The following GPR25 variants were observed in gnomAD, a reference collection of about 807,000 sequenced individuals.
GPR25 encodes the protein C-X-C chemokine receptor GPR25.
For synonymous variants in GPR25, 280 were observed against 264.9 expected, an observed-to-expected ratio of 1.06 and a Z score of -0.55; for missense variants, 501 against 503.0, an observed-to-expected ratio of 1.00 and a Z score of 0.04.
At position 200,873,715 on chromosome 1, in the gene GPR25, G is replaced by T. The variant is rs1668003755; in HGVS notation, c.678G>T (p.Ser226=). The T allele has an allele frequency of 6.3e-7, 1 of 1,597,746 alleles. No homozygotes were observed. Among genetic ancestry groups the T allele is most frequent in the Non-Finnish European group, 8.5e-7 (1 of 1,178,798 alleles). ...CCCTCTTCTGCTACTGCCGCATCTC[G>T]CGCCGCCTGCGACGGCCGCCGCACG... ...VVTLFCYCRI[S]RRLRRPPHVG... is the part of the protein sequence containing the mutation. Residue 226 remains serine, a synonymous_variant, in exon 1 of 1, where the codon TCG becomes TCT. Transcript: ENST00000304244.
In GPR25 at chr1:200,873,629, G is replaced by A; in HGVS notation, c.592G>A (p.Ala198Thr). ...DSQCGEEPSHAFQGLSLLLLL... is the reference protein window; with the variant it reads ...DSQCGEEPSHTFQGLSLLLLL... ...CCAGTGCGGCGAGGAGCCCTCCCAC[G>A]CCTTCCAGGGCCTCAGCTTGCTGCT... is the stretch of plus-strand genomic sequence containing the variant. The change falls in exon 1 of 1, where the codon GCC (alanine) becomes ACC (threonine). Residue 198 changes from alanine (A) to threonine (T), a missense_variant. Coordinates refer to ENST00000304244, the MANE Select transcript of GPR25 (RefSeq NM_005298.4). 1 of 1,596,956 alleles carries A rather than the reference G, an allele frequency of 6.3e-7. No individual in the cohort carries two copies. Among genetic ancestry groups the A allele is most frequent in the Non-Finnish European group, 8.5e-7 (1 of 1,179,216 alleles).
In GPR25 at chr1:200,873,777, T is replaced by C. The variant is rs753717394; in HGVS notation, c.740T>C (p.Phe247Ser). The C allele has an allele frequency of 3.8e-6, 6 of 1,599,210 alleles. No individual in the cohort carries two copies. The highest frequency in any genetic ancestry group is 5.1e-6 in the Non-Finnish European group (6 of 1,179,294). ...RARRNSLRII[F>S]AIESTFVGSW... is the part of the protein sequence containing the mutation. ...CGGAGGAACTCGCTGCGCATCATCT[T>C]CGCCATCGAGAGCACGTTTGTGGGC... The change falls in exon 1 of 1, where the codon TTC becomes TCC. Residue 247 changes from phenylalanine to serine, a missense_variant. By Grantham distance (155) the Phe-to-Ser change is radical. Coordinates refer to ENST00000304244, the MANE Select transcript of GPR25 (RefSeq NM_005298.4).
chr1:200,873,864 C>A lies in GPR25; in HGVS notation c.827C>A (p.Pro276Gln). The A allele has an allele frequency of 6.2e-7, 1 of 1,605,286 alleles. No individual in the cohort carries two copies. Among genetic ancestry groups the A allele is most frequent in the South Asian group, 1.1e-5 (1 of 90,968 alleles). Residue 276 changes from proline to glutamine, a missense_variant, in exon 1 of 1, where the codon CCG becomes CAG. Transcript: ENST00000304244. ...CACCTGGCGCGTCTGGGGGCGCTGC[C>A]GCTGCCGTGCCCCCTGCTGCTGGCG... ...VFHLARLGALPLPCPLLLALR... is the reference protein window; with the variant it reads ...VFHLARLGALQLPCPLLLALR...
At position 200,873,335 on chromosome 1, in the gene GPR25, G is replaced by T; in HGVS notation, c.298G>T (p.Ala100Ser). 1 of 1,479,300 alleles carries T rather than the reference G, an allele frequency of 6.8e-7. No homozygotes were observed. The highest frequency in any genetic ancestry group is 8.9e-7 in the Non-Finnish European group (1 of 1,125,722). 91.6% of individuals were successfully genotyped at this position (1,479,300 alleles called of 1,614,324 possible). A position where few individuals can be genotyped will look rare whatever the true frequency, so the allele number is the denominator to read the frequency against. Reference protein sequence around the residue: ...LTLPLWAAAAALGGRWPFGDG... With the variant: ...LTLPLWAAAASLGGRWPFGDG... ...GCTGCCGCTGTGGGCCGCGGCGGCG[G>T]CGCTAGGCGGCCGCTGGCCGTTCGG... Residue 100 changes from alanine (A) to serine (S), a missense_variant, in exon 1 of 1, where the codon GCG (alanine) becomes TCG (serine). Transcript: ENST00000304244.
chr1:200,873,093 C>A lies in GPR25; in HGVS notation c.56C>A (p.Ser19Ter). The A allele has an allele frequency of 6.3e-7, 1 of 1,587,430 alleles. No individual in the cohort carries two copies. The highest frequency in any genetic ancestry group is 8.5e-7 in the Non-Finnish European group (1 of 1,170,976). The change falls in exon 1 of 1, where the codon TCG becomes TAG. Residue 19 changes from serine to a stop codon, truncating the protein, a stop_gained. Transcript: ENST00000304244. LOFTEE classifies it low-confidence loss of function (END_TRUNC). ...CCGGGGTCAGCGCCCTGGGACTACT[C>A]GGGGTTGGACGGCCTGGAGGAGCTG... Reference protein sequence around the residue: ...PSPGSAPWDYSGLDGLEELEL... With the variant: ...PSPGSAPWDY
At position 200,873,627 on chromosome 1, in the gene GPR25, A is replaced by G. The variant is rs1472846463; in HGVS notation, c.590A>G (p.His197Arg). 1.9e-6 allele frequency: 3 copies of G among 1,596,112 alleles called. No homozygotes were observed. Among genetic ancestry groups the G allele is most frequent in the Non-Finnish European group, 2.5e-6 (3 of 1,179,086 alleles). The change falls in exon 1 of 1, where the codon CAC (histidine) becomes CGC (arginine). Residue 197 changes from histidine to arginine, a missense_variant. Coordinates refer to ENST00000304244, the MANE Select transcript of GPR25 (RefSeq NM_005298.4). ...QDSQCGEEPSHAFQGLSLLLL... is the reference protein window; with the variant it reads ...QDSQCGEEPSRAFQGLSLLLL... ...AGCCAGTGCGGCGAGGAGCCCTCCC[A>G]CGCCTTCCAGGGCCTCAGCTTGCTG... is the stretch of plus-strand genomic sequence containing the variant.
In GPR25 at chr1:200,873,714, C is replaced by G; in HGVS notation, c.677C>G (p.Ser226Trp). ...VVTLFCYCRI[S>W]RRLRRPPHVG... ...ACCCTCTTCTGCTACTGCCGCATCT[C>G]GCGCCGCCTGCGACGGCCGCCGCAC... Residue 226 changes from serine to tryptophan, a missense_variant, in exon 1 of 1, where the codon TCG (serine) becomes TGG (tryptophan). Coordinates refer to ENST00000304244, the MANE Select transcript of GPR25 (RefSeq NM_005298.4). 2 of 1,597,828 alleles carry G rather than the reference C, an allele frequency of 1.3e-6. No homozygotes were observed. Among genetic ancestry groups the G allele is most frequent in the Non-Finnish European group, 1.7e-6 (2 of 1,178,818 alleles).
Position 200,873,656 on chromosome 1 carries a change from C to T in GPR25, c.619C>T (p.Leu207=). ...CTTCCAGGGCCTCAGCTTGCTGCTG[C>T]TGCTGCTGACCTTCGTGCTGCCCCT... ...HAFQGLSLLL[L]LLTFVLPLVV... is the part of the protein sequence containing the mutation. Residue 207 remains leucine, a synonymous_variant, in exon 1 of 1, where the codon CTG becomes TTG. Coordinates refer to ENST00000304244, the MANE Select transcript of GPR25 (RefSeq NM_005298.4). The T allele has an allele frequency of 6.3e-7, 1 of 1,598,128 alleles. No homozygotes were observed. Among genetic ancestry groups the T allele is most frequent in the South Asian group, 1.1e-5 (1 of 91,054 alleles).
At position 200,873,430 on chromosome 1, in the gene GPR25, G is replaced by C; in HGVS notation, c.393G>C (p.Ala131=). 2 of 1,522,286 alleles carry C rather than the reference G, an allele frequency of 1.3e-6. No homozygotes were observed. Among genetic ancestry groups the C allele is most frequent in the Non-Finnish European group, 1.7e-6 (2 of 1,144,448 alleles). The allele number at this position is 1,522,286 out of a possible 1,614,324, so 94.3% of individuals were successfully genotyped here. A position where few individuals can be genotyped will look rare whatever the true frequency, so the allele number is the denominator to read the frequency against. Residue 131 remains alanine, a synonymous_variant, in exon 1 of 1, where the codon GCG becomes GCC. Transcript: ENST00000304244. The part of the protein sequence containing the change: ...GTRCAGALLL[A]GMSVDRYLAV... ...GCTGCGCGGGCGCGCTGCTGCTGGC[G>C]GGCATGAGCGTGGACCGCTACCTGG...
In GPR25 at chr1:200,873,842, C is replaced by T; in HGVS notation, c.805C>T (p.Leu269=). Residue 269 remains leucine, a synonymous_variant, in exon 1 of 1, where the codon CTG becomes TTG. Coordinates refer to ENST00000304244, the MANE Select transcript of GPR25 (RefSeq NM_005298.4). ...CAGCGCCCTGCGGGCCGTCTTCCAC[C>T]TGGCGCGTCTGGGGGCGCTGCCGCT... ...PFSALRAVFH[L]ARLGALPLPC... The T allele has an allele frequency of 1.9e-6, 3 of 1,602,630 alleles. No individual in the cohort carries two copies. The highest frequency in any genetic ancestry group is 2.5e-6 in the Non-Finnish European group (3 of 1,179,090).
Position 200,873,130 on chromosome 1 carries a change from G to T in GPR25, c.93G>T (p.Pro31=). The part of the protein sequence containing the change: ...LDGLEELELC[P]AGDLPYGYVY... Reference sequence around the variant, plus strand: ...GCCTGGAGGAGCTGGAGCTGTGTCCGGCCGGGGACCTGCCCTACGGCTACG... The same window carrying T: ...GCCTGGAGGAGCTGGAGCTGTGTCCTGCCGGGGACCTGCCCTACGGCTACG... The change falls in exon 1 of 1, where the codon CCG becomes CCT. Residue 31 remains proline, a synonymous_variant. Transcript: ENST00000304244. 6.2e-7 allele frequency: 1 copy of T among 1,602,692 alleles called. No individual in the cohort carries two copies. The highest frequency in any genetic ancestry group is 8.5e-7 in the Non-Finnish European group (1 of 1,178,004).
chr1:200,873,594 G>T lies in GPR25; in HGVS notation c.557G>T (p.Gly186Val). 5 of 1,590,778 alleles carry T rather than the reference G, an allele frequency of 3.1e-6. No homozygotes were observed. Among genetic ancestry groups the T allele is most frequent in the East Asian group, 2.2e-5 (1 of 44,468 alleles). ...VYRGLQPLPG[G>V]QDSQCGEEPS... is the part of the protein sequence containing the mutation. ...CGGGGGTTGCAGCCCCTGCCTGGGGGCCAGGACAGCCAGTGCGGCGAGGAG... is the reference window on the plus strand; with the variant it reads ...CGGGGGTTGCAGCCCCTGCCTGGGGTCCAGGACAGCCAGTGCGGCGAGGAG... The change falls in exon 1 of 1, where the codon GGC becomes GTC. Residue 186 changes from glycine (G) to valine (V), a missense_variant. Transcript: ENST00000304244.
In GPR25 at chr1:200,873,208, C is replaced by G; in HGVS notation, c.171C>G (p.Asn57Lys). 6 of 1,605,496 alleles carry G rather than the reference C, an allele frequency of 3.7e-6. No individual in the cohort carries two copies. Among genetic ancestry groups the G allele is most frequent in the Non-Finnish European group, 5.1e-6 (6 of 1,178,626 alleles). Residue 57 changes from asparagine to lysine, a missense_variant, in exon 1 of 1, where the codon AAC becomes AAG. By Grantham distance (94) the Asn-to-Lys change is moderately conservative. Transcript: ENST00000304244. ...CCTTCGCCGTGGGCCTGCTGGGCAA[C>G]GCCTTTGTGGTGTGGCTGCTGGCCG... ...LAAFAVGLLG[N>K]AFVVWLLAGR...
Position 200,873,915 on chromosome 1 carries a change from C to A in GPR25, c.878C>A (p.Thr293Asn). 6.2e-7 allele frequency: 1 copy of A among 1,610,626 alleles called. No individual in the cohort carries two copies. Among genetic ancestry groups the A allele is most frequent in the South Asian group, 1.1e-5 (1 of 90,998 alleles). ...CTGCGCTGGGGCCTCACCATTGCCA[C>A]CTGCCTGGCCTTCGTCAACAGCTGC... The part of the protein sequence containing the change: ...LALRWGLTIA[T>N]CLAFVNSCAN... The change falls in exon 1 of 1, where the codon ACC becomes AAC. Residue 293 changes from threonine to asparagine, a missense_variant. Coordinates refer to ENST00000304244, the MANE Select transcript of GPR25 (RefSeq NM_005298.4).
rs1445846681 is a variant in GPR25 at position 200,873,219 on chromosome 1, T to C, written c.182T>C (p.Val61Ala). Residue 61 changes from valine to alanine, a missense_variant, in exon 1 of 1, where the codon GTG (valine) becomes GCG (alanine). Physicochemically the swap from Val to Ala is moderately conservative, Grantham distance 64. Transcript: ENST00000304244. ...GGCCTGCTGGGCAACGCCTTTGTGG[T>C]GTGGCTGCTGGCCGGGCGGCGGGGC... ...AVGLLGNAFV[V>A]WLLAGRRGPR... 1.9e-6 allele frequency: 3 copies of C among 1,601,830 alleles called. No individual in the cohort carries two copies. The highest frequency in any genetic ancestry group is 2.5e-6 in the Non-Finnish European group (3 of 1,177,032).
Position 200,873,782 on chromosome 1 carries a change from A to G in GPR25, c.745A>G (p.Ile249Val). ...GAACTCGCTGCGCATCATCTTCGCC[A>G]TCGAGAGCACGTTTGTGGGCTCCTG... is the stretch of plus-strand genomic sequence containing the variant. ...RRNSLRIIFA[I>V]ESTFVGSWLP... The change falls in exon 1 of 1, where the codon ATC becomes GTC. Residue 249 changes from isoleucine (I) to valine (V), a missense_variant. Transcript: ENST00000304244. The G allele has an allele frequency of 6.3e-7, 1 of 1,599,394 alleles. No homozygotes were observed. Among genetic ancestry groups the G allele is most frequent in the Non-Finnish European group, 8.5e-7 (1 of 1,179,312 alleles).
At position 200,873,447 on chromosome 1, in the gene GPR25, G is replaced by A. The variant is rs1192235869; in HGVS notation, c.410G>A (p.Arg137His). The change falls in exon 1 of 1, where the codon CGC becomes CAC. Residue 137 changes from arginine to histidine, a missense_variant. Arg to His is a conservative substitution (Grantham distance 29). Transcript: ENST00000304244. ...CTGCTGGCGGGCATGAGCGTGGACCGCTACCTGGCCGTGGTGAAGCTGCTC... is the reference window on the plus strand; with the variant it reads ...CTGCTGGCGGGCATGAGCGTGGACCACTACCTGGCCGTGGTGAAGCTGCTC... ...ALLLAGMSVD[R>H]YLAVVKLLEA... is the part of the protein sequence containing the mutation. 2.6e-6 allele frequency: 4 copies of A among 1,551,852 alleles called. No homozygotes were observed. The highest frequency in any genetic ancestry group is 3.5e-6 in the Non-Finnish European group (4 of 1,158,410).
Position 200,874,093 on chromosome 1 carries a change from G to A in GPR25, c.1056G>A (p.Gln352=). 6 of 1,578,394 alleles carry A rather than the reference G, an allele frequency of 3.8e-6. No homozygotes were observed. Among genetic ancestry groups the A allele is most frequent in the Non-Finnish European group, 5.2e-6 (6 of 1,159,190 alleles). ...DDSSVFRCRA[Q]AANTASASW is the part of the protein sequence containing the mutation. ...GTTCCGTGTTCCGTTGCCGGGCCCA[G>A]GCCGCGAACACTGCCTCGGCCTCCT... Residue 352 remains glutamine (Q), a synonymous_variant, in exon 1 of 1, where the codon CAG becomes CAA. Coordinates refer to ENST00000304244, the MANE Select transcript of GPR25 (RefSeq NM_005298.4).
In GPR25 at chr1:200,873,195, G is replaced by A; in HGVS notation, c.158G>A (p.Gly53Asp). ...PALYLAAFAVGLLGNAFVVWL... is the reference protein window; with the variant it reads ...PALYLAAFAVDLLGNAFVVWL... ...CTCTACCTGGCGGCCTTCGCCGTGGGCCTGCTGGGCAACGCCTTTGTGGTG... is the reference window on the plus strand; with the variant it reads ...CTCTACCTGGCGGCCTTCGCCGTGGACCTGCTGGGCAACGCCTTTGTGGTG... The change falls in exon 1 of 1, where the codon GGC becomes GAC. Residue 53 changes from glycine (G) to aspartate (D), a missense_variant. Transcript: ENST00000304244. 6.2e-7 allele frequency: 1 copy of A among 1,606,098 alleles called. No individual in the cohort carries two copies. The highest frequency in any genetic ancestry group is 1.1e-5 in the South Asian group (1 of 90,472).
Sources: gnomAD v4.1 joint callset for allele counts on GRCh38, gnomAD v4.1.1 for gene constraint, MANE v1.5 for transcripts, NCBI Gene and HGNC (gene_info 2026-07-23, HGNC 2026-07-21) for gene names.